Variants in MLLT10 observed in about 807,000 individuals in gnomAD.
MLLT10 encodes the protein MLLT10 histone lysine methyltransferase DOT1L cofactor.
A neutral mutation model predicts 129.1 loss-of-function variants in MLLT10; 30 were observed. The observed-to-expected ratio is 0.23, with a 90% confidence interval of 0.17 to 0.32. MLLT10 has a LOEUF of 0.32. Among genes scored for constraint, MLLT10 ranks in the 10% least tolerant of loss-of-function variants. The pLI, the probability that MLLT10 is intolerant of heterozygous loss-of-function variation, is 1.00. For synonymous variants in MLLT10, 490 were observed against 446.4 expected (o/e 1.10, Z -1.23); for missense variants, 1,119 against 1,268.3 (o/e 0.88, Z 1.79).
chr10:21,717,716 T>TCCTCCTCTTCCTCCTCCTCCTCC (rs2056786442), intron 14 of MLLT10, among the ~76,000 whole-genome samples: 1 of 17,466 alleles, frequency 5.7e-5, no homozygotes, highest in Non-Finnish European at 1.1e-4. Flanking sequence ...CCTCCTCCTC[T>TCCTCCTCTTCCTCCTCCTCCTCC]TCCTCCTCCT....
intron 8 of MLLT10, chr10:21,625,156 G>GTAC: frequency 8.3e-7 from 1 of 1,200,552 alleles, no homozygotes; most frequent in South Asian, 1.2e-5. Context: ...CGAGGAGGAG[G>GTAC]GTGTAGTGAT....
intron 8 of MLLT10, among the ~76,000 whole-genome samples, chr10:21,620,359 T>G (rs1169378427): frequency 2.0e-5 from 3 of 152,218 alleles, no homozygotes; most frequent in Admixed American, 2.0e-4. Context: ...AGTTCCCAAT[T>G]TGAAATGGTT....
intron 8 of MLLT10, among the ~76,000 whole-genome samples, chr10:21,644,322 CT>C (rs2048284821): frequency 6.6e-6 from 1 of 152,100 alleles, no homozygotes; most frequent in South Asian, 2.1e-4. Flanking sequence ...GGGAGGCTCA[CT>C]TTTGACACTT....
In MLLT10 at chr10:21,673,747, A is replaced by G; in HGVS notation, c.1449A>G (p.Gly483=). The G allele has an allele frequency of 6.2e-7, 1 of 1,614,168 alleles. No individual in the cohort carries two copies. Among genetic ancestry groups the G allele is most frequent in the Non-Finnish European group, 8.5e-7 (1 of 1,180,020 alleles). The change falls in exon 11 of 23, where the codon GGA becomes GGG. Residue 483 remains glycine, a synonymous_variant. Coordinates refer to ENST00000307729, the MANE Select transcript of MLLT10 (RefSeq NM_001195626.3). ...AGCATGGGCCTGGCAGACCCAAAGG[A>G]AACAAAAATCAAGAGAATGTTTCTC... ...QSKHGPGRPK[G]NKNQENVSHL...
intron 13 of MLLT10, among the ~76,000 whole-genome samples, chr10:21,701,372 TCTTG>T (rs1400983173): frequency 6.6e-6 from 1 of 151,912 alleles, no homozygotes; most frequent in Non-Finnish European, 1.5e-5. Flanking sequence ...TTTGATTTGT[TCTTG>T]CTTTTCTAGT....
At chr10:21,595,518 C>A in intron 5 of MLLT10, 78 bp downstream of exon 5, 1 of 1,086,120 alleles carries the variant, frequency 9.2e-7, no homozygotes, top group Non-Finnish European at 1.3e-6. Context: ...TTTTTAAAAT[C>A]ACAGGTCTCC....
In MLLT10 at chr10:21,742,230, A is replaced by G. The variant is rs1366771162; in HGVS notation, c.*247A>G. The G allele has an allele frequency of 1.5e-5, 6 of 403,614 alleles. No homozygotes were observed. The highest frequency in any genetic ancestry group is 2.6e-5 in the Non-Finnish European group (6 of 228,206). The allele number at this position is 403,614 out of a possible 1,614,324, so 25.0% of individuals were successfully genotyped here. ...TTTTTGAACATGGAAAGAAAATTTA[A>G]TAACTTTTTAAAGTGACATAATTTA... On this transcript the variant is annotated 3_prime_UTR_variant, in exon 23 of 23. Transcript: ENST00000307729.
intron 8 of MLLT10, among the ~76,000 whole-genome samples, chr10:21,619,353 A>C (rs897063968): frequency 6.6e-6 from 1 of 152,208 alleles, no homozygotes. Context: ...CATTTCATGC[A>C]TATTATCTTG....
At chr10:21,591,230 TG>T (rs991856156) in intron 4 of MLLT10, among the ~76,000 whole-genome samples, 6 of 152,154 alleles carry the variant, frequency 3.9e-5, no homozygotes, top group African/African-American at 9.7e-5. Flanking sequence ...CTAATGTTTT[TG>T]TATTTGTTGT....
chr10:21,564,859 A>G (rs1442783394), intron 3 of MLLT10, among the ~76,000 whole-genome samples: 1 of 151,252 alleles, frequency 6.6e-6, no homozygotes, highest in Non-Finnish European at 1.5e-5. Context: ...ACTCTTGGTG[A>G]GTGGAATGTT....
intron 13 of MLLT10, among the ~76,000 whole-genome samples, chr10:21,689,951 A>G (rs1307877371): frequency 2.0e-5 from 3 of 152,002 alleles, no homozygotes; most frequent in Admixed American, 6.6e-5. Context: ...GTATTACCCA[A>G]GAAGAACTGG....
intron 13 of MLLT10, chr10:21,688,549 A>T (rs1393002764): frequency 6.2e-7 from 1 of 1,609,102 alleles, no homozygotes; most frequent in African/African-American, 1.3e-5. Context: ...GTATGTACCA[A>T]ACTCCAGCAT....
intron 14 of MLLT10, among the ~76,000 whole-genome samples, chr10:21,715,949 T>C (rs772618629): frequency 1.1e-4 from 17 of 152,252 alleles, no homozygotes; most frequent in Non-Finnish European, 2.9e-5. Context: ...CAGTAAATGC[T>C]TTCTGTCTTC....
chr10:21,614,213 G>GTT (rs1364387979), intron 6 of MLLT10, among the ~76,000 whole-genome samples: 2 of 50,248 alleles, frequency 4.0e-5, no homozygotes, highest in African/African-American at 7.9e-5. Flanking sequence ...ACGAAACCCT[G>GTT]TTTTTTTTTT....
Position 21,730,905 on chromosome 10 carries a change from C to T in MLLT10, c.2069C>T (p.Pro690Leu). The change falls in exon 17 of 23, where the codon CCT becomes CTT. Residue 690 changes from proline (P) to leucine (L), a missense_variant. Pro to Leu is a moderately conservative substitution (Grantham distance 98). This residue lies in a region of MLLT10 where 1,004 missense variants were observed against 1,008.7 expected (regional missense o/e 1.00). Transcript: ENST00000307729. ...SPRGSLSPRSPVSSLQIRYDQ... is the reference protein window; with the variant it reads ...SPRGSLSPRSLVSSLQIRYDQ... Reference sequence around the variant, plus strand: ...TTGAGAATTGTTTTCAACAGATCCCCTGTAAGCAGCTTACAGATTCGCTAT... The same window carrying T: ...TTGAGAATTGTTTTCAACAGATCCCTTGTAAGCAGCTTACAGATTCGCTAT... 6.2e-7 allele frequency: 1 copy of T among 1,614,182 alleles called. No individual in the cohort carries two copies. Among genetic ancestry groups the T allele is most frequent in the African/African-American group, 1.3e-5 (1 of 75,060 alleles).
intron 3 of MLLT10, among the ~76,000 whole-genome samples, chr10:21,551,187 A>T (rs1554785741): frequency 1.3e-4 from 19 of 151,580 alleles, no homozygotes. Context: ...GGCCTCCCAA[A>T]GTGCTGGGAT....
In MLLT10 at chr10:21,637,767, G is replaced by A. The variant is rs554700400; in HGVS notation, c.700-13906G>A. Among the ~76,000 whole-genome samples, 6 of 152,278 alleles carry A rather than the reference G, an allele frequency of 3.9e-5. No individual in the cohort carries two copies. The East Asian group carries it at 1.2e-3, about 29-fold the overall frequency. ...TAGGTATGAGTGTTATGGCAAAGAG[G>A]CATTAGAAATGTCCAGAACAACCTA... On this transcript the variant is annotated intron_variant, in intron 8 of 22. Transcript: ENST00000307729.
chr10:21,688,437 GT>G, intron 13 of MLLT10: 1 of 1,471,778 alleles, frequency 6.8e-7, no homozygotes, highest in Non-Finnish European at 9.5e-7. Flanking sequence ...TGTCATGGTG[GT>G]TTTTAGGAAG....
chr10:21,687,701 A>G (rs2053442441), intron 13 of MLLT10, among the ~76,000 whole-genome samples: 2 of 152,220 alleles, frequency 1.3e-5, no homozygotes, highest in Non-Finnish European at 2.9e-5. Flanking sequence ...TGGGCGTAGT[A>G]AAGAGCTGCA....
Sources: allele counts gnomAD v4.1 joint callset (sites outside exome capture counted in the v4.1 genomes callset), GRCh38; gene constraint gnomAD v4.1.1; regional missense constraint gnomAD v4.1.1; transcripts MANE v1.5; gene names NCBI Gene and HGNC (gene_info 2026-07-23, HGNC 2026-07-21).